RPTOR: variants seen among roughly 807,000 people sequenced by gnomAD.
RPTOR encodes the protein regulatory associated protein of MTOR complex 1.
RPTOR carries 21 observed loss-of-function variants against 169.9 expected under a neutral mutation model. That is an observed-to-expected ratio of 0.12 (90% confidence interval 0.09 to 0.18). RPTOR has a LOEUF of 0.18. RPTOR is among the 10% of genes least tolerant of loss of function. The probability of loss-of-function intolerance (pLI) is 1.00; values close to 1 mark genes in which losing one functional copy is unlikely to be tolerated. For synonymous variants in RPTOR, 732 were observed against 753.2 expected (o/e 0.97, Z 0.46); for missense variants, 1,133 against 1,855.9 (o/e 0.61, Z 7.16).
chr17:80,923,113 G>A (rs2068766689), intron 22 of RPTOR, among the ~76,000 whole-genome samples: 1 of 152,230 alleles, frequency 6.6e-6, no homozygotes, highest in South Asian at 2.1e-4. Flanking sequence ...TTCAGAGTTT[G>A]TAAGAGGGGA....
Position 80,815,179 on chromosome 17 carries a change from A to T in RPTOR, c.891-7022A>T, listed in dbSNP as rs2067310962. Among the ~76,000 whole-genome samples, 2 of 152,254 alleles carry T rather than the reference A, an allele frequency of 1.3e-5. 1 individual carries two copies. Among genetic ancestry groups the T allele is most frequent in the South Asian group, 4.1e-4 (2 of 4,838 alleles). ...AGACACTAGGCAGTTAGGGGTGCAC[A>T]AGGTTTGTTGGATGTAACACCTGGC... On this transcript the variant is annotated intron_variant, in intron 7 of 33. Coordinates refer to ENST00000306801, the MANE Select transcript of RPTOR (RefSeq NM_020761.3).
chr17:80,868,403 G>T (rs2143790479), intron 13 of RPTOR, among the ~76,000 whole-genome samples: 1 of 152,196 alleles, frequency 6.6e-6, no homozygotes, highest in African/African-American at 2.4e-5. Flanking sequence ...CCAAGTAGAT[G>T]CCAGAAATGC....
At chr17:80,660,530 A>T (rs1307031047) in intron 3 of RPTOR, among the ~76,000 whole-genome samples, 1 of 152,200 alleles carries the variant, frequency 6.6e-6, no homozygotes, top group South Asian at 2.1e-4. Context: ...AGTTGGGGAC[A>T]AGAGTGGAAG....
Position 80,806,040 on chromosome 17 carries a change from T to C in RPTOR, c.890+14531T>C, listed in dbSNP as rs1270117415. 3.3e-5 allele frequency among the ~76,000 whole-genome samples: 5 copies of C among 152,316 alleles called. No individual in the cohort carries two copies. In the East Asian group the frequency reaches 9.6e-4, roughly 29 times the overall value. The stretch of plus-strand genomic sequence containing the variant: ...AGGATCCAAAGAGATGGCAGCACTG[T>C]GCATATGAACCATGTGATTTAGAAA... On this transcript the variant is annotated intron_variant, in intron 7 of 33. Transcript: ENST00000306801.
intron 5 of RPTOR, among the ~76,000 whole-genome samples, chr17:80,737,816 C>T (rs1179142832): frequency 2.0e-5 from 3 of 151,454 alleles, no homozygotes; most frequent in African/African-American, 4.9e-5. Flanking sequence ...CCCGCCCCCC[C>T]GCCACACTCA....
chr17:80,635,580 T>C (rs115045603), intron 2 of RPTOR, among the ~76,000 whole-genome samples: 1 of 151,882 alleles, frequency 6.6e-6, no homozygotes, highest in Admixed American at 6.6e-5. Context: ...GGAAAGTGGA[T>C]CTGGTGGGAG....
intron 17 of RPTOR, 107 bp downstream of exon 17, chr17:80,885,255 C>T (rs2068232296): frequency 1.0e-5 from 13 of 1,249,384 alleles, no homozygotes; most frequent in Non-Finnish European, 1.3e-5. Flanking sequence ...ACTCAGTTTC[C>T]ACTGCGTGTC....
In RPTOR at chr17:80,837,859, G is replaced by A. The variant is rs1415263901; in HGVS notation, c.1137-63G>A. On this transcript the variant is annotated intron_variant, in intron 9 of 33. Transcript: ENST00000306801. ...TCAGCCGGCTCCTCCTGTGCCCTGT[G>A]AAGTGGCCTCGTGTGGAAGCCCGTC... 5 of 1,490,658 alleles carry A rather than the reference G, an allele frequency of 3.4e-6. No homozygotes were observed. The South Asian group carries it at 3.5e-5, about 11-fold the overall frequency. 92.3% of individuals were successfully genotyped at this position (1,490,658 alleles called of 1,614,324 possible). A position where few individuals can be genotyped will look rare whatever the true frequency, so the allele number is the denominator to read the frequency against.
At chr17:80,929,112 C>G (rs1322559395) in intron 24 of RPTOR, among the ~76,000 whole-genome samples, 1 of 152,226 alleles carries the variant, frequency 6.6e-6, no homozygotes, top group Non-Finnish European at 1.5e-5. Context: ...AAAAGAATCA[C>G]TTAGTAGGAG....
At chr17:80,891,890 T>C in intron 18 of RPTOR, 53 bp downstream of exon 18, 1 of 1,309,676 alleles carries the variant, frequency 7.6e-7, no homozygotes, top group African/African-American at 1.5e-5. Flanking sequence ...GCGGTTCTAG[T>C]GCAGGCCGCG....
At chr17:80,690,492 C>T (rs2065981900) in intron 3 of RPTOR, among the ~76,000 whole-genome samples, 1 of 152,204 alleles carries the variant, frequency 6.6e-6, no homozygotes, top group Admixed American at 6.5e-5. Context: ...CTGTCTCTTT[C>T]TGCAGTTGAT....
chr17:80,606,309 C>CTTTT (rs56331722), intron 1 of RPTOR, among the ~76,000 whole-genome samples: 1 of 123,872 alleles, frequency 8.1e-6, no homozygotes, highest in Non-Finnish European at 1.7e-5. Flanking sequence ...GGTGCCTGGC[C>CTTTT]TTTTTTTTTT....
At chr17:80,683,136 C>T (rs74800764) in intron 3 of RPTOR, among the ~76,000 whole-genome samples, 8,046 of 152,276 alleles carry the variant, frequency 0.053, 269 homozygotes, top group Non-Finnish European at 0.078. Flanking sequence ...GTTTCAGCTC[C>T]GTCTGTGGCA....
At chr17:80,893,267 G>T (rs751966928) in intron 19 of RPTOR, among the ~76,000 whole-genome samples, 3 of 149,238 alleles carry the variant, frequency 2.0e-5, no homozygotes, top group Non-Finnish European at 4.5e-5. Context: ...TGTGCGCCAG[G>T]GTGCGTGTGT....
intron 2 of RPTOR, among the ~76,000 whole-genome samples, chr17:80,640,172 A>G (rs1375475800): frequency 2.0e-5 from 3 of 149,506 alleles, no homozygotes; most frequent in Admixed American, 1.4e-4. Context: ...CCACACACTC[A>G]CTCGCCGCTG....
At chr17:80,554,071 T>C (rs2084377450) in intron 1 of RPTOR, among the ~76,000 whole-genome samples, 1 of 151,624 alleles carries the variant, frequency 6.6e-6, no homozygotes, top group Non-Finnish European at 1.5e-5. Flanking sequence ...TGTGTGTATA[T>C]TTTTTGTTGT....
chr17:80,741,436 C>T (rs1042600028), intron 5 of RPTOR, among the ~76,000 whole-genome samples: 4 of 152,128 alleles, frequency 2.6e-5, no homozygotes, highest in African/African-American at 4.8e-5. Flanking sequence ...AAGAGTGATT[C>T]GCTCTGGATC....
At chr17:80,799,192 C>G (rs74001056) in intron 7 of RPTOR, among the ~76,000 whole-genome samples, 2,212 of 152,294 alleles carry the variant, frequency 0.015, 50 homozygotes, top group African/African-American at 0.051. Flanking sequence ...AGTTTTAAGA[C>G]CAGGCAGAAA....
At position 80,700,738 on chromosome 17, in the gene RPTOR, G is replaced by GAC. The variant is rs1567864688; in HGVS notation, c.349-7103_349-7102insAC. 2.4e-4 allele frequency among the ~76,000 whole-genome samples: 36 copies of GAC among 150,414 alleles called. 1 individual carries two copies. Among genetic ancestry groups the GAC allele is most frequent in the African/African-American group, 3.7e-4 (15 of 41,012 alleles). On this transcript the variant is annotated intron_variant, in intron 3 of 33. Coordinates refer to ENST00000306801, the MANE Select transcript of RPTOR (RefSeq NM_020761.3). Reference sequence around the variant, plus strand: ...TGGTGGTGGTGGTGGTGATGATGGTGGTGGTGGTGGTGGTGATGATGGTGA... The same window carrying GAC: ...TGGTGGTGGTGGTGGTGATGATGGTGACGTGGTGGTGGTGGTGATGATGGTGA...
Sources: allele counts gnomAD v4.1 joint callset (sites outside exome capture counted in the v4.1 genomes callset), GRCh38; gene constraint gnomAD v4.1.1; transcripts MANE v1.5; gene names NCBI Gene and HGNC (gene_info 2026-07-23, HGNC 2026-07-21).